ZBTB20: variants seen among roughly 807,000 people sequenced by gnomAD.
ZBTB20 encodes zinc finger and BTB domain-containing protein 20.
A neutral mutation model predicts 56.9 loss-of-function variants in ZBTB20; 9 were observed. The ratio of observed to expected loss-of-function variants is 0.16; its 90% CI spans 0.10 to 0.28. The LOEUF is 0.28. Among genes scored for constraint, ZBTB20 ranks in the 10% least tolerant of loss-of-function variants. The probability of loss-of-function intolerance (pLI) is 1.00; values close to 1 mark genes in which losing one functional copy is unlikely to be tolerated. For missense variants in ZBTB20, 655 were observed against 1,003.0 expected, an observed-to-expected ratio of 0.65 and a Z score of 4.69; for synonymous variants, 417 against 420.7, an observed-to-expected ratio of 0.99 and a Z score of 0.11.
chr3:114,408,925 C>G (rs951981088), intron 7 of ZBTB20, among the ~76,000 whole-genome samples: 1 of 152,028 alleles, frequency 6.6e-6, no homozygotes, highest in Non-Finnish European at 1.5e-5. Flanking sequence ...GAGAGCAGCG[C>G]TCGTCCGCCG....
chr3:114,725,941 C>T (rs2065245698), intron 5 of ZBTB20, among the ~76,000 whole-genome samples: 1 of 152,206 alleles, frequency 6.6e-6, no homozygotes. Context: ...AAAAGTCAGG[C>T]ACAGTAACTC....
At chr3:114,452,372 T>C (rs1385819565) in intron 7 of ZBTB20, among the ~76,000 whole-genome samples, 2 of 152,160 alleles carry the variant, frequency 1.3e-5, no homozygotes, top group Non-Finnish European at 2.9e-5. Context: ...AACATGTAAG[T>C]GTAAGAAGTG....
chr3:115,102,078 T>C (rs549579708), intron 1 of ZBTB20, among the ~76,000 whole-genome samples: 50 of 152,308 alleles, frequency 3.3e-4, no homozygotes, highest in African/African-American at 1.2e-3. Context: ...CATTAGAATG[T>C]AATATCTACC....
At chr3:114,946,831 C>T (rs2076902622) in intron 3 of ZBTB20, among the ~76,000 whole-genome samples, 1 of 145,484 alleles carries the variant, frequency 6.9e-6, no homozygotes, top group Non-Finnish European at 1.5e-5. Context: ...AACTAAAAAG[C>T]TTCTGCCCAG....
chr3:114,916,619 A>G (rs2075756300), intron 3 of ZBTB20, among the ~76,000 whole-genome samples: 1 of 152,158 alleles, frequency 6.6e-6, no homozygotes, highest in Non-Finnish European at 1.5e-5. Context: ...TTTGTCTGGG[A>G]AAGTCTTTAT....
rs201679066 is a variant in ZBTB20 at position 114,458,354 on chromosome 3, C to CT, written c.-255+41997dup. ...AAGGTTTGCATAATCATTTAGGGTGCTTTTTTTTCTAAATGATCAGTGTAT... is the reference window on the plus strand; with the variant it reads ...AAGGTTTGCATAATCATTTAGGGTGCTTTTTTTTTCTAAATGATCAGTGTAT... On this transcript the variant is annotated intron_variant, in intron 7 of 11. Transcript: ENST00000675478. Among the ~76,000 whole-genome samples, 589 of 151,948 alleles carry CT rather than the reference C, an allele frequency of 3.9e-3. 6 individuals carry two copies. The highest frequency in any genetic ancestry group is 0.014 in the African/African-American group (565 of 41,440).
intron 5 of ZBTB20, among the ~76,000 whole-genome samples, chr3:114,741,886 A>AG (rs2066620491): frequency 6.6e-6 from 1 of 151,910 alleles, no homozygotes. Flanking sequence ...AAAAAAAAAA[A>AG]AAAAGAAAAG....
At chr3:114,362,424 G>C (rs2081984274) in intron 10 of ZBTB20, among the ~76,000 whole-genome samples, 1 of 152,060 alleles carries the variant, frequency 6.6e-6, no homozygotes, top group Non-Finnish European at 1.5e-5. Flanking sequence ...TCAGCTCTTC[G>C]CTACACTTCA....
intron 10 of ZBTB20, among the ~76,000 whole-genome samples, chr3:114,374,941 A>G (rs1300308327): frequency 6.6e-6 from 1 of 152,204 alleles, no homozygotes; most frequent in Non-Finnish European, 1.5e-5. Flanking sequence ...CTTTCTGAAC[A>G]TGCAGTCAAA....
intron 3 of ZBTB20, among the ~76,000 whole-genome samples, chr3:114,971,141 T>A (rs1018252955): frequency 2.6e-5 from 4 of 152,234 alleles, no homozygotes; most frequent in Non-Finnish European, 5.9e-5. Flanking sequence ...ACATATTTAC[T>A]TTTTTTCTTT....
intron 1 of ZBTB20, among the ~76,000 whole-genome samples, chr3:115,086,628 A>G (rs2082996104): frequency 6.6e-6 from 1 of 151,864 alleles, no homozygotes; most frequent in Admixed American, 6.6e-5. Flanking sequence ...TCAAACTGCA[A>G]TTCTTAGAAT....
chr3:114,964,495 G>T (rs890937563), intron 3 of ZBTB20, among the ~76,000 whole-genome samples: 3 of 152,164 alleles, frequency 2.0e-5, no homozygotes, highest in African/African-American at 7.2e-5. Flanking sequence ...AGAAGACACA[G>T]AAAAGATCAG....
intron 2 of ZBTB20, among the ~76,000 whole-genome samples, chr3:115,033,312 A>C (rs2080779468): frequency 6.6e-6 from 1 of 151,614 alleles, no homozygotes; most frequent in African/African-American, 2.4e-5. Flanking sequence ...ACTAAACCAC[A>C]AAGGAATAGA....
intron 6 of ZBTB20, among the ~76,000 whole-genome samples, chr3:114,601,741 G>C (rs577529227): frequency 5.9e-5 from 9 of 152,096 alleles, no homozygotes; most frequent in South Asian, 2.1e-4. Flanking sequence ...AAAGTATAGA[G>C]AGCAAGGAGA....
At chr3:115,065,333 G>A (rs2082168825) in intron 2 of ZBTB20, among the ~76,000 whole-genome samples, 1 of 151,994 alleles carries the variant, frequency 6.6e-6, no homozygotes, top group Admixed American at 6.6e-5. Flanking sequence ...GTTTTCTACA[G>A]GACATACTGC....
intron 3 of ZBTB20, among the ~76,000 whole-genome samples, chr3:114,959,591 T>G (rs1044458322): frequency 6.6e-6 from 1 of 152,092 alleles, no homozygotes; most frequent in African/African-American, 2.4e-5. Flanking sequence ...GTTGTTTTGT[T>G]TGTATGCCAA....
chr3:114,733,310 A>G (rs2065894645), intron 5 of ZBTB20, among the ~76,000 whole-genome samples: 1 of 152,176 alleles, frequency 6.6e-6, no homozygotes, highest in South Asian at 2.1e-4. Context: ...GCCTAAGCCT[A>G]CCTGGATACC....
chr3:114,689,912 A>G (rs1008458859), intron 6 of ZBTB20, among the ~76,000 whole-genome samples: 1 of 152,156 alleles, frequency 6.6e-6, no homozygotes, highest in Non-Finnish European at 1.5e-5. Context: ...TAGTCAAGCC[A>G]TCCGATATAG....
intron 4 of ZBTB20, among the ~76,000 whole-genome samples, chr3:114,804,582 A>T (rs543481654): frequency 1.2e-3 from 175 of 152,056 alleles, no homozygotes; most frequent in African/African-American, 3.9e-3. Context: ...TAGAAGGCTA[A>T]TTATAATACT....
Sources: gnomAD v4.1 joint callset for allele counts (sites outside exome capture counted in the v4.1 genomes callset) on GRCh38, gnomAD v4.1.1 for gene constraint, MANE v1.5 for transcripts, NCBI Gene and HGNC (gene_info 2026-07-23, HGNC 2026-07-21) for gene names.